The following MIPOL1 variants were observed in gnomAD, a reference collection of about 807,000 sequenced individuals.
The protein encoded by MIPOL1 is mirror-image polydactyly gene 1 protein.
MIPOL1 carries 57 observed loss-of-function variants against 60.9 expected under a neutral mutation model. That is an observed-to-expected ratio of 0.94 (90% CI 0.76 to 1.17). MIPOL1 has a LOEUF of 1.17. MIPOL1 is among the 50% of genes most tolerant of loss of function. The pLI is 0.00. For missense variants in MIPOL1, 551 were observed against 511.6 expected (o/e 1.08, Z -0.74); for synonymous variants, 179 against 168.8 (o/e 1.06, Z -0.47).
At position 37,486,443 on chromosome 14, in the gene MIPOL1, T is replaced by C. The variant is rs149305343; in HGVS notation, c.1032-13465T>C. ...GGGCAGTATGGCCATTTTCAAGATATAGATTCTTCCTATCCATGAGCATGG... is the reference window on the plus strand; with the variant it reads ...GGGCAGTATGGCCATTTTCAAGATACAGATTCTTCCTATCCATGAGCATGG... On this transcript the variant is annotated intron_variant, in intron 11 of 12. Transcript: ENST00000684589. 4.6e-3 allele frequency among the ~76,000 whole-genome samples: 704 copies of C among 152,354 alleles called. 2 individuals are homozygous for C. The highest frequency in any genetic ancestry group is 9.2e-3 in the Admixed American group (141 of 15,302).
At chr14:37,489,057 C>T (rs2095000637) in intron 11 of MIPOL1, among the ~76,000 whole-genome samples, 1 of 152,206 alleles carries the variant, frequency 6.6e-6, no homozygotes, top group Non-Finnish European at 1.5e-5. Flanking sequence ...CCATTCTCCG[C>T]ATCACTTTCA....
At chr14:37,285,474 G>A in intron 7 of MIPOL1, 27 bp downstream of exon 7, 1 of 1,604,702 alleles carries the variant, frequency 6.2e-7, no homozygotes, top group Non-Finnish European at 8.5e-7. Context: ...AACTCAGTAT[G>A]ATATTAGGAA....
At chr14:37,501,335 G>C (rs1165569321) in intron 12 of MIPOL1, among the ~76,000 whole-genome samples, 1 of 152,128 alleles carries the variant, frequency 6.6e-6, no homozygotes, top group East Asian at 1.9e-4. Flanking sequence ...AGTAACTTTT[G>C]ACAGGATCTG....
chr14:37,232,492 A>G (rs902417653), intron 1 of MIPOL1, among the ~76,000 whole-genome samples: 2 of 152,168 alleles, frequency 1.3e-5, no homozygotes, highest in Non-Finnish European at 2.9e-5. Context: ...GAGCCATCCA[A>G]TGGGAAAATG....
At position 37,402,914 on chromosome 14, in the gene MIPOL1, C is replaced by T. The variant is rs139364804; in HGVS notation, c.937-19941C>T. ...GGCAGCCCTCTTGCTTCAGTAGTAGCCATGGCTGCTCTGCATGGTTATATA... is the reference window on the plus strand; with the variant it reads ...GGCAGCCCTCTTGCTTCAGTAGTAGTCATGGCTGCTCTGCATGGTTATATA... On this transcript the variant is annotated intron_variant, in intron 10 of 12. Transcript: ENST00000684589. Among the ~76,000 whole-genome samples the T allele has an allele frequency of 2.5e-3, 382 of 152,270 alleles. 1 individual carries two copies. The highest frequency in any genetic ancestry group is 9.0e-3 in the African/African-American group (373 of 41,568).
intron 9 of MIPOL1, among the ~76,000 whole-genome samples, chr14:37,323,879 G>C (rs1308135502): frequency 1.3e-5 from 2 of 151,906 alleles, no homozygotes; most frequent in Non-Finnish European, 2.9e-5. Context: ...CAAGATATTT[G>C]TGATATTTTC....
At chr14:37,208,232 A>ATG (rs753639853) in intron 1 of MIPOL1, among the ~76,000 whole-genome samples, 1 of 152,162 alleles carries the variant, frequency 6.6e-6, no homozygotes, top group Non-Finnish European at 1.5e-5. Flanking sequence ...GACTTTCAAT[A>ATG]TGTGTGGTTT....
chr14:37,490,419 C>G (rs2095031244), intron 11 of MIPOL1, among the ~76,000 whole-genome samples: 1 of 152,170 alleles, frequency 6.6e-6, no homozygotes. Flanking sequence ...AGCCAGACCA[C>G]TTGGCTCCCT....
At chr14:37,313,700 G>T (rs1161778038) in intron 9 of MIPOL1, among the ~76,000 whole-genome samples, 1 of 152,140 alleles carries the variant, frequency 6.6e-6, no homozygotes, top group African/African-American at 2.4e-5. Flanking sequence ...CTCTATTATA[G>T]GCGTAATGGA....
intron 10 of MIPOL1, among the ~76,000 whole-genome samples, chr14:37,405,567 G>A (rs563127800): frequency 1.3e-5 from 2 of 152,100 alleles, no homozygotes; most frequent in Admixed American, 6.6e-5. Context: ...AGATAACTTT[G>A]ATAATTTCTT....
chr14:37,383,522 A>G (rs1440095856), intron 10 of MIPOL1, among the ~76,000 whole-genome samples: 2 of 151,846 alleles, frequency 1.3e-5, no homozygotes, highest in Admixed American at 6.6e-5. Context: ...TTGCTCCGTT[A>G]TATGATGGTC....
At chr14:37,228,065 G>T (rs1970024080) in intron 1 of MIPOL1, among the ~76,000 whole-genome samples, 1 of 152,096 alleles carries the variant, frequency 6.6e-6, no homozygotes, top group African/African-American at 2.4e-5. Flanking sequence ...TTTTTACCCT[G>T]CCTTGACAGT....
chr14:37,245,714 CT>C (rs1308058963), intron 1 of MIPOL1, among the ~76,000 whole-genome samples: 1 of 152,000 alleles, frequency 6.6e-6, no homozygotes, highest in Non-Finnish European at 1.5e-5. Context: ...ATTTATTGTG[CT>C]AATTGCAATA....
At chr14:37,246,403 A>G (rs1594714731) in intron 1 of MIPOL1, among the ~76,000 whole-genome samples, 1 of 152,162 alleles carries the variant, frequency 6.6e-6, no homozygotes, top group African/African-American at 2.4e-5. Flanking sequence ...TATAGGTATT[A>G]ATTTAGATTT....
intron 10 of MIPOL1, among the ~76,000 whole-genome samples, chr14:37,391,615 G>A (rs576736841): frequency 2.0e-5 from 3 of 152,036 alleles, no homozygotes; most frequent in Admixed American, 6.6e-5. Flanking sequence ...AGACTGGTCT[G>A]TATCTCTTGA....
Position 37,499,865 on chromosome 14 carries a change from G to A in MIPOL1, c.1032-43G>A, listed in dbSNP as rs371699707. The A allele has an allele frequency of 9.3e-5, 102 of 1,094,674 alleles. 1 individual carries two copies. In the East Asian group the frequency reaches 1.1e-3, roughly 12 times the overall value. The allele number at this position is 1,094,674 out of a possible 1,614,324, so 67.8% of individuals were successfully genotyped here. A position where few individuals can be genotyped will look rare whatever the true frequency, so the allele number is the denominator to read the frequency against. On this transcript the variant is annotated intron_variant, in intron 11 of 12. Transcript: ENST00000684589. Reference sequence around the variant, plus strand: ...TGTTAAATAGATCATAGATCACTCAGTTTACATTACTTATCTTTAAATTTT... The same window carrying A: ...TGTTAAATAGATCATAGATCACTCAATTTACATTACTTATCTTTAAATTTT...
intron 10 of MIPOL1, chr14:37,399,695 T>C (rs777893403): frequency 2.1e-4 from 32 of 152,300 alleles, no homozygotes; most frequent in Admixed American, 7.8e-4. Context: ...CTAGGAGTGA[T>C]GCAACAATGG....
At chr14:37,257,252 A>G (rs867374450) in intron 3 of MIPOL1, among the ~76,000 whole-genome samples, 3 of 151,986 alleles carry the variant, frequency 2.0e-5, no homozygotes, top group East Asian at 1.9e-4. Flanking sequence ...CTGAATTACA[A>G]TGAGAGATAA....
At chr14:37,364,480 G>A (rs1453661012) in intron 9 of MIPOL1, among the ~76,000 whole-genome samples, 1 of 152,180 alleles carries the variant, frequency 6.6e-6, no homozygotes, top group Non-Finnish European at 1.5e-5. Context: ...TTATTGAAGA[G>A]ACTGTCTTTT....
Sources: allele counts gnomAD v4.1 joint callset (sites outside exome capture counted in the v4.1 genomes callset), GRCh38; gene constraint gnomAD v4.1.1; transcripts MANE v1.5; gene names NCBI Gene and HGNC (gene_info 2026-07-23, HGNC 2026-07-21).